Variants in SCN2A observed in about 807,000 individuals in gnomAD.
SCN2A encodes the protein sodium voltage-gated channel alpha subunit 2.
A neutral mutation model predicts 188.7 loss-of-function variants in SCN2A; 20 were observed. The observed-to-expected ratio is 0.11, with a 90% confidence interval of 0.07 to 0.15. SCN2A has a LOEUF of 0.15. Ranked by LOEUF, SCN2A falls within the 10% of genes least tolerant of loss-of-function variation. The probability of loss-of-function intolerance (pLI) is 1.00; values close to 1 mark genes in which losing one functional copy is unlikely to be tolerated. For synonymous variants in SCN2A, 804 were observed against 833.1 expected (o/e 0.97, Z 0.60); for missense variants, 1,278 against 2,445.0 (o/e 0.52, Z 10.07).
chr2:165,332,059 A>T (rs1698714221), intron 14 of SCN2A, among the ~76,000 whole-genome samples: 1 of 151,902 alleles, frequency 6.6e-6, no homozygotes, highest in African/African-American at 2.4e-5. Context: ...TTTAGAAATT[A>T]TTTATTTAAT....
Position 165,326,854 on chromosome 2 carries a change from C to T in SCN2A, c.2019C>T (p.Gly673=). Residue 673 remains glycine (G), a splice_region_variant and synonymous_variant, in exon 13 of 27, where the codon GGC becomes GGT. Coordinates refer to ENST00000375437, the MANE Select transcript of SCN2A (RefSeq NM_001040142.2). ...LTSAGQLLPE[G]TTTETEIRKR... ...TTCATCTGAAATTCTACTTCTAGGG[C>T]ACAACTACTGAAACAGAAATAAGAA... is the stretch of plus-strand genomic sequence containing the variant. 1 of 1,613,798 alleles carries T rather than the reference C, an allele frequency of 6.2e-7. No homozygotes were observed. The highest frequency in any genetic ancestry group is 1.7e-5 in the Admixed American group (1 of 60,008).
intron 2 of SCN2A, 122 bp from the exon 3 acceptor site, chr2:165,296,895 A>G: frequency 1.7e-6 from 1 of 590,744 alleles, no homozygotes; most frequent in Non-Finnish European, 3.0e-6. Context: ...ATATGATGGT[A>G]ATTATTATGT....
intron 1 of SCN2A, among the ~76,000 whole-genome samples, chr2:165,244,968 AT>A (rs1222400138): frequency 1.6e-5 from 2 of 125,944 alleles, no homozygotes; most frequent in African/African-American, 6.0e-5. Context: ...TTGAAATATC[AT>A]GAAAAAAAGA....
In SCN2A at chr2:165,306,334, A is replaced by G. The variant is rs375032290; in HGVS notation, c.387-1514A>G. 4.6e-5 allele frequency among the ~76,000 whole-genome samples: 7 copies of G among 152,236 alleles called. 1 individual carries two copies. The highest frequency in any genetic ancestry group is 4.6e-4 in the Admixed American group (7 of 15,282). ...TGAGGTTTGTGACCATAAATTTAGAATGGTGCCAATCTGCCACGGGGTGTT... is the reference window on the plus strand; with the variant it reads ...TGAGGTTTGTGACCATAAATTTAGAGTGGTGCCAATCTGCCACGGGGTGTT... On this transcript the variant is annotated intron_variant, in intron 3 of 26. Transcript: ENST00000375437.
intron 1 of SCN2A, chr2:165,293,762 T>A (rs1185309416): frequency 1.1e-6 from 1 of 873,102 alleles, no homozygotes; most frequent in African/African-American, 1.8e-5. Context: ...ACACTTAAAA[T>A]CAACAAAGTT....
intron 13 of SCN2A, chr2:165,328,227 A>C (rs1698466366): frequency 6.6e-6 from 1 of 152,540 alleles, no homozygotes; most frequent in Non-Finnish European, 1.5e-5. Flanking sequence ...TACATCACAG[A>C]CAAGTCAGTA....
At chr2:165,284,682 G>T (rs930299739) in intron 1 of SCN2A, among the ~76,000 whole-genome samples, 2 of 152,130 alleles carry the variant, frequency 1.3e-5, no homozygotes, top group East Asian at 3.9e-4. Flanking sequence ...AAATATTCAG[G>T]TATATCAAAC....
rs1177931495 is a variant in SCN2A at position 165,309,124 on chromosome 2, G to A, written c.606-228G>A. On this transcript the variant is annotated intron_variant, in intron 5 of 26. Transcript: ENST00000375437. ...TTGATGAAAGACCAAGGAAGACGTA[G>A]ATTTCCCTAAATTCTGAATAACTCT... 3 of 1,603,082 alleles carry A rather than the reference G, an allele frequency of 1.9e-6. No individual in the cohort carries two copies. In the Admixed American group the frequency reaches 5.0e-5, roughly 27 times the overall value.
At chr2:165,285,442 C>A in intron 1 of SCN2A, 1 of 163,700 alleles carries the variant, frequency 6.1e-6, no homozygotes, top group Non-Finnish European at 1.4e-5. Context: ...AGGTGAAATT[C>A]CATGAATACA....
intron 24 of SCN2A, 141 bp downstream of exon 24, chr2:165,380,870 C>A: frequency 2.6e-6 from 2 of 777,130 alleles, no homozygotes; most frequent in South Asian, 1.8e-5. Context: ...AATCGATAAG[C>A]TTTTAAGCAA....
intron 1 of SCN2A, among the ~76,000 whole-genome samples, chr2:165,291,577 C>CCTTCCTT (rs1559340809): frequency 1.1e-5 from 1 of 86,982 alleles, no homozygotes; most frequent in African/African-American, 3.4e-5. Flanking sequence ...TCCTTCCTTT[C>CCTTCCTT]TCTCTCTCTC....
At position 165,291,510 on chromosome 2, in the gene SCN2A, T is replaced by C. The variant is rs200280492; in HGVS notation, c.-51-4263T>C. Among the ~76,000 whole-genome samples the C allele has an allele frequency of 2.2e-5, 3 of 133,596 alleles. 1 individual carries two copies. Among genetic ancestry groups the C allele is most frequent in the African/African-American group, 8.7e-5 (3 of 34,450 alleles). The allele number at this position is 133,596 out of a possible 152,430, so 87.6% of individuals were successfully genotyped here. A position where few individuals can be genotyped will look rare whatever the true frequency, so the allele number is the denominator to read the frequency against. ...TCTTTCTTTTCTTTCTTTCTTTCTT[T>C]CTTCCTCTCCTTTCTTTCCTTCCTT... is the stretch of plus-strand genomic sequence containing the variant. On this transcript the variant is annotated intron_variant, in intron 1 of 26. Transcript: ENST00000375437.
At chr2:165,277,489 G>A (rs2106115009) in intron 1 of SCN2A, among the ~76,000 whole-genome samples, 1 of 152,302 alleles carries the variant, frequency 6.6e-6, no homozygotes, top group African/African-American at 2.4e-5. Context: ...CAATTATATA[G>A]TTGCCTTATT....
At chr2:165,259,168 C>G (rs1265408108) in intron 1 of SCN2A, among the ~76,000 whole-genome samples, 1 of 152,090 alleles carries the variant, frequency 6.6e-6, no homozygotes, top group Non-Finnish European at 1.5e-5. Flanking sequence ...AATGTACATA[C>G]CTTAATTTAA....
At chr2:165,274,648 G>A (rs1321194071) in intron 1 of SCN2A, among the ~76,000 whole-genome samples, 4 of 152,194 alleles carry the variant, frequency 2.6e-5, no homozygotes, top group South Asian at 2.1e-4. Flanking sequence ...GTTAAAAACA[G>A]AATCCCTTTT....
At chr2:165,386,455 C>T (rs1474241657) in intron 25 of SCN2A, among the ~76,000 whole-genome samples, 1 of 151,658 alleles carries the variant, frequency 6.6e-6, no homozygotes, top group African/African-American at 2.4e-5. Context: ...CAGAGCGAGA[C>T]TCCATCTCAA....
At chr2:165,265,516 T>TATATATATATATATATATATA (rs71028476) in intron 1 of SCN2A, among the ~76,000 whole-genome samples, 1 of 122,830 alleles carries the variant, frequency 8.1e-6, no homozygotes, top group Non-Finnish European at 1.7e-5. Flanking sequence ...TATATATATA[T>TATATATATATATATATATATA]TGCTGTGCAG....
At chr2:165,383,793 G>A (rs1466120330) in intron 25 of SCN2A, among the ~76,000 whole-genome samples, 1 of 152,104 alleles carries the variant, frequency 6.6e-6, no homozygotes, top group Non-Finnish European at 1.5e-5. Context: ...TTTCTGCTTT[G>A]CACAACTGGA....
intron 14 of SCN2A, among the ~76,000 whole-genome samples, chr2:165,339,622 C>T (rs1003833220): frequency 6.6e-6 from 1 of 151,984 alleles, no homozygotes; most frequent in Non-Finnish European, 1.5e-5. Context: ...ACACCTATTA[C>T]TAAAAACCTC....
Sources: gnomAD v4.1 joint callset for allele counts (sites outside exome capture counted in the v4.1 genomes callset) on GRCh38, gnomAD v4.1.1 for gene constraint, MANE v1.5 for transcripts, NCBI Gene and HGNC (gene_info 2026-07-23, HGNC 2026-07-21) for gene names.